MACROD2: variants seen among roughly 807,000 people sequenced by gnomAD.
The protein encoded by MACROD2 is ADP-ribose glycohydrolase MACROD2.
In MACROD2, 36 loss-of-function variants were observed where a neutral mutation model predicts 70.4. The observed-to-expected ratio is 0.51, with a 90% CI of 0.39 to 0.68. The LOEUF (loss-of-function observed/expected upper bound fraction) is 0.68, where lower values mean the gene tolerates loss of function less well. Among genes scored for constraint, MACROD2 ranks in the 30% least tolerant of loss-of-function variants. MACROD2 has a pLI of 0.00. For missense variants in MACROD2, 496 were observed against 538.4 expected, an observed-to-expected ratio of 0.92 and a Z score of 0.78; for synonymous variants, 172 against 178.8, an observed-to-expected ratio of 0.96 and a Z score of 0.30.
intron 6 of MACROD2, among the ~76,000 whole-genome samples, chr20:15,287,485 G>C (rs533651259): frequency 6.6e-6 from 1 of 152,148 alleles, no homozygotes; most frequent in Non-Finnish European, 1.5e-5. Context: ...AGAACCATGA[G>C]GTTTATTGGA....
intron 5 of MACROD2, among the ~76,000 whole-genome samples, chr20:14,864,971 T>C (rs572683909): frequency 6.6e-6 from 1 of 152,138 alleles, no homozygotes; most frequent in East Asian, 1.9e-4. Context: ...ATATAGGAGC[T>C]TCCAAGCTTG....
intron 8 of MACROD2, among the ~76,000 whole-genome samples, chr20:15,725,609 A>G (rs1258101846): frequency 6.6e-6 from 1 of 152,158 alleles, no homozygotes; most frequent in African/African-American, 2.4e-5. Context: ...AGTGCTTCCA[A>G]GAGAATATTG....
At position 14,684,210 on chromosome 20, in the gene MACROD2, A is replaced by G. The variant is rs77328662; in HGVS notation, c.302-633A>G. ...TCTTATGGGTGTTAAGCAAGACCTA[A>G]TCTACCCTTGCGCAGCACCCAGTCA... On this transcript the variant is annotated intron_variant, in intron 4 of 17. Transcript: ENST00000684519. Among the ~76,000 whole-genome samples the G allele has an allele frequency of 4.1e-3, 631 of 152,252 alleles. 4 individuals carry two copies. Among genetic ancestry groups the G allele is most frequent in the Non-Finnish European group, 7.5e-3 (509 of 68,000 alleles).
chr20:14,892,044 A>G (rs1278144351), intron 5 of MACROD2, among the ~76,000 whole-genome samples: 14 of 152,202 alleles, frequency 9.2e-5, no homozygotes, highest in Admixed American at 3.9e-4. Context: ...ATGTGACTGT[A>G]TCATAATCTA....
intron 2 of MACROD2, among the ~76,000 whole-genome samples, chr20:14,030,714 C>T (rs1230887309): frequency 6.6e-6 from 1 of 151,818 alleles, no homozygotes; most frequent in Non-Finnish European, 1.5e-5. Flanking sequence ...TATTTTTAAT[C>T]AAAAAAAGGT....
At chr20:14,200,529 T>TA (rs1555934236) in intron 3 of MACROD2, among the ~76,000 whole-genome samples, 22 of 152,126 alleles carry the variant, frequency 1.4e-4, no homozygotes, top group Non-Finnish European at 2.6e-4. Context: ...CCCCTGAACT[T>TA]AAACAAAAAA....
At chr20:14,097,332 C>A (rs1022258363) in intron 3 of MACROD2, among the ~76,000 whole-genome samples, 4 of 152,070 alleles carry the variant, frequency 2.6e-5, no homozygotes, top group Non-Finnish European at 2.9e-5. Context: ...GTGCCACAAT[C>A]ACAGAAAAAT....
chr20:14,515,465 G>GCGCGCGCGCGCGCGCACA (rs1369248292), intron 4 of MACROD2, among the ~76,000 whole-genome samples: 4 of 127,066 alleles, frequency 3.1e-5, no homozygotes, highest in African/African-American at 1.3e-4. Flanking sequence ...ACACACACAC[G>GCGCGCGCGCGCGCGCACA]CACACACACA....
At chr20:15,592,896 GC>G (rs1425114409) in intron 8 of MACROD2, among the ~76,000 whole-genome samples, 1 of 152,068 alleles carries the variant, frequency 6.6e-6, no homozygotes, top group Non-Finnish European at 1.5e-5. Flanking sequence ...ATGGGTTCAA[GC>G]TTTTACCAGT....
chr20:14,068,611 A>G (rs952506566), intron 2 of MACROD2, among the ~76,000 whole-genome samples: 1 of 152,190 alleles, frequency 6.6e-6, no homozygotes, highest in African/African-American at 2.4e-5. Flanking sequence ...AGGCTGTTTT[A>G]AAGGATAGTT....
chr20:15,592,702 T>C (rs1485389572), intron 8 of MACROD2, among the ~76,000 whole-genome samples: 1 of 152,256 alleles, frequency 6.6e-6, no homozygotes, highest in Non-Finnish European at 1.5e-5. Context: ...AGATTTTATT[T>C]ATATTCCCAT....
chr20:14,052,943 T>G (rs938056708), intron 2 of MACROD2, among the ~76,000 whole-genome samples: 6 of 152,006 alleles, frequency 3.9e-5, no homozygotes, highest in Non-Finnish European at 8.8e-5. Flanking sequence ...CAAAGATAAG[T>G]GAGCATAAAA....
At chr20:14,282,593 G>A (rs1426499156) in intron 3 of MACROD2, among the ~76,000 whole-genome samples, 2 of 152,098 alleles carry the variant, frequency 1.3e-5, no homozygotes, top group African/African-American at 2.4e-5. Context: ...TTTAAATACC[G>A]GAGACTGGGT....
intron 6 of MACROD2, among the ~76,000 whole-genome samples, chr20:15,422,442 T>C (rs779917837): frequency 6.6e-6 from 1 of 152,172 alleles, no homozygotes; most frequent in East Asian, 1.9e-4. Context: ...TTACTCTTTA[T>C]ACGAGATAAA....
chr20:15,700,358 G>A (rs540166942), intron 8 of MACROD2, among the ~76,000 whole-genome samples: 100 of 152,316 alleles, frequency 6.6e-4, no homozygotes, highest in African/African-American at 1.8e-3. Flanking sequence ...CTGCAAGGAC[G>A]CGGCACTGGC....
intron 5 of MACROD2, among the ~76,000 whole-genome samples, chr20:14,934,103 A>T (rs934535371): frequency 1.3e-5 from 2 of 152,180 alleles, no homozygotes; most frequent in African/African-American, 4.8e-5. Context: ...TTATGCCCCC[A>T]TGCACTGGTG....
intron 5 of MACROD2, among the ~76,000 whole-genome samples, chr20:14,855,586 G>A (rs1332582158): frequency 2.4e-5 from 3 of 127,036 alleles, no homozygotes; most frequent in Admixed American, 8.7e-5. Context: ...GAATTTTAGT[G>A]ATCCTACCAA....
At chr20:14,985,632 G>C (rs1258315113) in intron 5 of MACROD2, among the ~76,000 whole-genome samples, 2 of 150,632 alleles carry the variant, frequency 1.3e-5, no homozygotes, top group Non-Finnish European at 3.0e-5. Context: ...TAATGGAGTA[G>C]ACATTGGTGA....
chr20:15,439,771 G>T (rs1479927212), intron 7 of MACROD2, among the ~76,000 whole-genome samples: 3 of 152,144 alleles, frequency 2.0e-5, no homozygotes, highest in Admixed American at 2.0e-4. Context: ...TTCCAGGATG[G>T]TTCCACAGGG....
Sources: gnomAD v4.1 joint callset for allele counts (sites outside exome capture counted in the v4.1 genomes callset) on GRCh38, gnomAD v4.1.1 for gene constraint, MANE v1.5 for transcripts, NCBI Gene and HGNC (gene_info 2026-07-23, HGNC 2026-07-21) for gene names.